DLG2: variants seen among roughly 807,000 people sequenced by gnomAD.
The protein encoded by DLG2 is disks large homolog 2.
A neutral mutation model predicts 132.5 loss-of-function variants in DLG2; 45 were observed. The observed-to-expected ratio is 0.34, with a 90% CI of 0.27 to 0.44. The LOEUF is 0.44. Ranked by LOEUF, DLG2 falls within the 20% of genes least tolerant of loss-of-function variation. DLG2 has a pLI of 1.00. For missense variants in DLG2, 1,045 were observed against 1,196.9 expected, an observed-to-expected ratio of 0.87 and a Z score of 1.87; for synonymous variants, 424 against 419.6, an observed-to-expected ratio of 1.01 and a Z score of -0.13.
intron 18 of DLG2, chr11:83,646,771 G>A (rs999679101): frequency 6.6e-6 from 1 of 152,236 alleles, no homozygotes; most frequent in Non-Finnish European, 1.5e-5. Flanking sequence ...TTAAGATGGG[G>A]GTGGGGGAGG....
At position 84,131,529 on chromosome 11, in the gene DLG2, A is replaced by G. The variant is rs530088135; in HGVS notation, c.624+31932T>C. ...TAGAATTTCATTCATTCATTCATTCATATTTGTCTAGTGTTTACTCTCAGT... is the reference window on the plus strand; with the variant it reads ...TAGAATTTCATTCATTCATTCATTCGTATTTGTCTAGTGTTTACTCTCAGT... On this transcript the variant is annotated intron_variant, in intron 9 of 27. Coordinates refer to ENST00000376104, the MANE Select transcript of DLG2 (RefSeq NM_001142699.3). Among the ~76,000 whole-genome samples the G allele has an allele frequency of 1.2e-4, 19 of 152,060 alleles. No homozygotes were observed. The South Asian group carries it at 1.7e-3, about 13-fold the overall frequency.
In DLG2 at chr11:84,149,906, C is replaced by T. The variant is rs763972840; in HGVS notation, c.624+13555G>A. On this transcript the variant is annotated intron_variant, in intron 9 of 27. Transcript: ENST00000376104. ...CTGAGTAGCTGGGATTACAGGCACA[C>T]GCCACAATGCCTGGCTAATTTTTGT... 3.6e-4 allele frequency among the ~76,000 whole-genome samples: 55 copies of T among 152,068 alleles called. 1 individual carries two copies. Among genetic ancestry groups the T allele is most frequent in the Admixed American group, 9.2e-4 (14 of 15,270 alleles).
intron 7 of DLG2, among the ~76,000 whole-genome samples, chr11:84,521,247 A>C (rs2154516750): frequency 6.6e-6 from 1 of 152,312 alleles, no homozygotes; most frequent in Admixed American, 6.5e-5. Context: ...AACAAATAAT[A>C]ACTCAGTGAT....
chr11:83,792,883 T>C (rs1036032274), intron 17 of DLG2, among the ~76,000 whole-genome samples: 1 of 152,170 alleles, frequency 6.6e-6, no homozygotes, highest in African/African-American at 2.4e-5. Context: ...TCTAAAAGTG[T>C]AGTATTAATT....
At chr11:85,400,028 C>A in intron 3 of DLG2, among the ~76,000 whole-genome samples, 1 of 151,948 alleles carries the variant, frequency 6.6e-6, no homozygotes, top group African/African-American at 2.4e-5. Flanking sequence ...TCACATCCTA[C>A]TCATCTGACA....
intron 3 of DLG2, among the ~76,000 whole-genome samples, chr11:85,379,560 T>C (rs2085706114): frequency 6.6e-6 from 1 of 152,202 alleles, no homozygotes; most frequent in African/African-American, 2.4e-5. Flanking sequence ...GGATGTGCAC[T>C]CTGGGATATA....
intron 15 of DLG2, among the ~76,000 whole-genome samples, chr11:83,911,560 G>C (rs2076051183): frequency 6.6e-6 from 1 of 151,924 alleles, no homozygotes; most frequent in Admixed American, 6.6e-5. Context: ...TGACATTTAA[G>C]AATGCTGGTT....
rs376171313 is a variant in DLG2 at position 84,290,212 on chromosome 11, C to T, written c.520-38921G>A. Among the ~76,000 whole-genome samples the T allele has an allele frequency of 6.6e-4, 100 of 152,228 alleles. 1 individual carries two copies. The South Asian group carries it at 0.013, about 20-fold the overall frequency. ...TATTGCCTCTCAGGGACAGGAGGGA[C>T]AGAAGATTGAGCAAAAGTTTTTGTA... On this transcript the variant is annotated intron_variant, in intron 7 of 27. Transcript: ENST00000376104.
chr11:84,876,614 T>C (rs2086389508), intron 6 of DLG2, among the ~76,000 whole-genome samples: 1 of 152,168 alleles, frequency 6.6e-6, no homozygotes, highest in Non-Finnish European at 1.5e-5. Context: ...TTTGTTTTGT[T>C]AATCTTTTCA....
chr11:83,949,852 GA>G (rs890721609), intron 14 of DLG2, among the ~76,000 whole-genome samples: 2 of 152,002 alleles, frequency 1.3e-5, no homozygotes, highest in African/African-American at 2.4e-5. Flanking sequence ...TACTAGAGTT[GA>G]AAAAAATTGA....
At chr11:83,884,949 A>G (rs2067399416) in intron 15 of DLG2, among the ~76,000 whole-genome samples, 1 of 152,186 alleles carries the variant, frequency 6.6e-6, no homozygotes, top group Admixed American at 6.5e-5. Context: ...CCATCTGTAC[A>G]ACACCATCAT....
At chr11:84,268,781 TA>T (rs1171930158) in intron 7 of DLG2, among the ~76,000 whole-genome samples, 4 of 151,984 alleles carry the variant, frequency 2.6e-5, no homozygotes, top group African/African-American at 4.8e-5. Context: ...TTACAGTTTG[TA>T]AAATGGAGAT....
At chr11:85,469,037 G>A (rs1020034817) in intron 3 of DLG2, among the ~76,000 whole-genome samples, 6 of 152,128 alleles carry the variant, frequency 3.9e-5, no homozygotes, top group African/African-American at 1.4e-4. Context: ...TTTATTGAGT[G>A]CACGTACTCT....
intron 6 of DLG2, among the ~76,000 whole-genome samples, chr11:84,869,238 T>G (rs1382317466): frequency 1.3e-5 from 2 of 152,208 alleles, no homozygotes; most frequent in Non-Finnish European, 2.9e-5. Context: ...AAATAGTCAT[T>G]ACGTGGTAGC....
In DLG2 at chr11:84,064,116, AAT is replaced by A. The variant is rs200659612; in HGVS notation, c.750-4634_750-4633del. 4.4e-3 allele frequency among the ~76,000 whole-genome samples: 667 copies of A among 151,376 alleles called. 5 individuals carry two copies. Among genetic ancestry groups the A allele is most frequent in the African/African-American group, 0.015 (642 of 41,424 alleles). On this transcript the variant is annotated intron_variant, in intron 10 of 27. Coordinates refer to ENST00000376104, the MANE Select transcript of DLG2 (RefSeq NM_001142699.3). ...ACCCTAGAACTTAAAGTATAATAAG[AAT>A]ATATATATATAACAAAAAAATTTTT... is the stretch of plus-strand genomic sequence containing the variant.
chr11:83,632,957 A>G, intron 19 of DLG2: 1 of 459,024 alleles, frequency 2.2e-6, no homozygotes, highest in Non-Finnish European at 3.9e-6. Flanking sequence ...TTTTATTGCA[A>G]CCTATGCTGA....
chr11:83,981,336 A>G (rs2092759349), intron 11 of DLG2, among the ~76,000 whole-genome samples: 1 of 152,182 alleles, frequency 6.6e-6, no homozygotes, highest in Non-Finnish European at 1.5e-5. Flanking sequence ...TAGTCACACA[A>G]AAAAGTGAAT....
intron 6 of DLG2, among the ~76,000 whole-genome samples, chr11:84,658,833 C>A (rs2099691331): frequency 6.6e-6 from 1 of 152,118 alleles, no homozygotes; most frequent in African/African-American, 2.4e-5. Context: ...CCAAGTAACC[C>A]TCTTTTATTT....
At chr11:84,542,137 G>GAA (rs1415637771) in intron 6 of DLG2, among the ~76,000 whole-genome samples, 1 of 150,766 alleles carries the variant, frequency 6.6e-6, no homozygotes, top group Non-Finnish European at 1.5e-5. Context: ...ATGAGAGAGA[G>GAA]AGAGAGAGAG....
Sources: gnomAD v4.1 joint callset for allele counts (sites outside exome capture counted in the v4.1 genomes callset) on GRCh38, gnomAD v4.1.1 for gene constraint, MANE v1.5 for transcripts, NCBI Gene and HGNC (gene_info 2026-07-23, HGNC 2026-07-21) for gene names.